SECISBP2L: variants seen among roughly 807,000 people sequenced by gnomAD.
The protein encoded by SECISBP2L is SECIS binding protein 2 like, also known as selenocysteine insertion sequence-binding protein 2-like.
SECISBP2L carries 43 observed loss-of-function variants against 114.7 expected under a neutral mutation model. The ratio of observed to expected loss-of-function variants is 0.38; its 90% CI spans 0.29 to 0.48. The LOEUF is 0.48. SECISBP2L is among the 20% of genes least tolerant of loss of function. The pLI, the probability that SECISBP2L is intolerant of heterozygous loss-of-function variation, is 0.98. For synonymous variants in SECISBP2L, 451 were observed against 439.7 expected (o/e 1.03, Z -0.32); for missense variants, 1,136 against 1,301.1 (o/e 0.87, Z 1.95).
In SECISBP2L at chr15:49,028,182, CAAAA is replaced by C; in HGVS notation, c.895-18_895-15del. ...TGATTCCACATGCTAAAAAAAGAAA[CAAAA>C]AGACAATTATACTCTACTTGAGAAC... On this transcript the variant is annotated splice_polypyrimidine_tract_variant and intron_variant, in intron 5 of 17. Coordinates refer to ENST00000559471, the MANE Select transcript of SECISBP2L (RefSeq NM_001193489.2). 6.4e-7 allele frequency: 1 copy of C among 1,569,416 alleles called. No individual in the cohort carries two copies. Among genetic ancestry groups the C allele is most frequent in the Non-Finnish European group, 8.6e-7 (1 of 1,157,516 alleles).
At chr15:49,036,590 T>A (rs892417777) in intron 2 of SECISBP2L, among the ~76,000 whole-genome samples, 1 of 152,238 alleles carries the variant, frequency 6.6e-6, no homozygotes, top group African/African-American at 2.4e-5. Context: ...TTTAGTTTCA[T>A]GAATCAGTTT....
In SECISBP2L at chr15:49,011,774, T is replaced by C. The variant is rs1266126762; in HGVS notation, c.1821A>G (p.Leu607=). Residue 607 remains leucine (L), a synonymous_variant, in exon 13 of 18, where the codon TTA becomes TTG. Transcript: ENST00000559471. ...LGSEEPTEMH[L]DFIDDLPQEI... ...CCTGTGGCAAGTCATCAATAAAATC[T>C]AAGTGCATTTCTGTTGGTTCCTCGG... The C allele has an allele frequency of 6.2e-7, 1 of 1,614,116 alleles. No homozygotes were observed. The highest frequency in any genetic ancestry group is 8.5e-7 in the Non-Finnish European group (1 of 1,179,970).
chr15:49,038,141 A>G lies in SECISBP2L; in HGVS notation c.25-372T>C, dbSNP rs1903050642. Reference sequence around the variant, plus strand: ...CATTTTGTTGGGGGAAAAATTGAACAAAATTATGAAGGATAATTATTACTC... The same window carrying G: ...CATTTTGTTGGGGGAAAAATTGAACGAAATTATGAAGGATAATTATTACTC... On this transcript the variant is annotated intron_variant, in intron 1 of 17. Transcript: ENST00000559471. Among the ~76,000 whole-genome samples the G allele has an allele frequency of 2.0e-5, 3 of 152,336 alleles. No homozygotes were observed. In the South Asian group the frequency reaches 6.2e-4, roughly 32 times the overall value.
intron 1 of SECISBP2L, among the ~76,000 whole-genome samples, chr15:49,040,104 A>G (rs529914773): frequency 2.0e-5 from 3 of 152,308 alleles, no homozygotes; most frequent in Admixed American, 2.0e-4. Flanking sequence ...TTTACACCCC[A>G]CTTCATTTGT....
chr15:49,045,841 A>ACC (rs1903235560), intron 1 of SECISBP2L, among the ~76,000 whole-genome samples: 1 of 152,214 alleles, frequency 6.6e-6, no homozygotes. Flanking sequence ...AAGGCCCGTG[A>ACC]CTTCCCTTCA....
intron 7 of SECISBP2L, among the ~76,000 whole-genome samples, chr15:49,024,705 G>A (rs945573158): frequency 6.6e-6 from 1 of 152,064 alleles, no homozygotes; most frequent in African/African-American, 2.4e-5. Flanking sequence ...TCTAAAAGAT[G>A]TTTAGAGCCT....
chr15:48,993,861 T>A (rs1221896393), intron 17 of SECISBP2L, among the ~76,000 whole-genome samples: 2 of 152,050 alleles, frequency 1.3e-5, no homozygotes, highest in African/African-American at 4.8e-5. Context: ...CAAATTTTTT[T>A]AAAAAATAAA....
intron 2 of SECISBP2L, 144 bp from the exon 3 acceptor site, chr15:49,035,802 C>CA (rs1444065319): frequency 1.4e-6 from 1 of 715,704 alleles, no homozygotes; most frequent in Non-Finnish European, 2.3e-6. Context: ...AAACTATCAT[C>CA]ATCTTATAAA....
intron 14 of SECISBP2L, among the ~76,000 whole-genome samples, chr15:49,007,226 T>C (rs542387598): frequency 3.9e-5 from 6 of 152,322 alleles, no homozygotes; most frequent in African/African-American, 1.4e-4. Context: ...ATGAGGAGTC[T>C]GTCAACCCCT....
chr15:49,036,938 A>G (rs189936516), intron 2 of SECISBP2L, among the ~76,000 whole-genome samples: 38 of 152,336 alleles, frequency 2.5e-4, no homozygotes, highest in African/African-American at 8.4e-4. Flanking sequence ...TCTGTGTGAC[A>G]TAACTTGAAA....
At position 48,989,441 on chromosome 15, in the gene SECISBP2L, G is replaced by A. The variant is rs2141054853; in HGVS notation, c.*2803C>T. 1 of 152,632 alleles carries A rather than the reference G, an allele frequency of 6.6e-6. No individual in the cohort carries two copies. 9.5% of individuals were successfully genotyped at this position (152,632 alleles called of 1,614,324 possible). On this transcript the variant is annotated 3_prime_UTR_variant, in exon 18 of 18. Transcript: ENST00000559471. ...TCTGCAAAAACAACCTCCAGTCAAA[G>A]CCAGTAAAAACTTCTCAATGTATAA...
intron 11 of SECISBP2L, 170 bp from the exon 12 acceptor site, chr15:49,012,987 C>T: frequency 1.6e-6 from 1 of 632,426 alleles, no homozygotes; most frequent in Non-Finnish European, 2.7e-6. Flanking sequence ...CAGCTTTTAC[C>T]TATCCTTTAG....
At chr15:49,022,473 C>A (rs1027242872) in intron 7 of SECISBP2L, among the ~76,000 whole-genome samples, 36 of 152,104 alleles carry the variant, frequency 2.4e-4, no homozygotes, top group African/African-American at 8.5e-4. Flanking sequence ...GTAGCAGGCA[C>A]CTGTAATCTC....
chr15:49,016,938 A>C lies in SECISBP2L; in HGVS notation c.1329T>G (p.Arg443=), dbSNP rs1902548336. The C allele has an allele frequency of 6.2e-7, 1 of 1,613,888 alleles. No homozygotes were observed. Among genetic ancestry groups the C allele is most frequent in the African/African-American group, 1.3e-5 (1 of 74,898 alleles). Reference sequence around the variant, plus strand: ...AAGCTTTCTTCTTCTGACTTTTTGCACGTTTGGGAACTGAGGTGGTAATAG... The same window carrying C: ...AAGCTTTCTTCTTCTGACTTTTTGCCCGTTTGGGAACTGAGGTGGTAATAG... ...PIPITTSVPK[R]AKSQKKKALA... is the part of the protein sequence containing the mutation. The change falls in exon 10 of 18, where the codon CGT becomes CGG. Residue 443 remains arginine (R), a synonymous_variant. Transcript: ENST00000559471.
chr15:49,014,087 C>T (rs1902491257), intron 11 of SECISBP2L, among the ~76,000 whole-genome samples: 1 of 152,092 alleles, frequency 6.6e-6, no homozygotes, highest in Admixed American at 6.6e-5. Context: ...GACCTCTGCC[C>T]AACCCATTCT....
intron 17 of SECISBP2L, among the ~76,000 whole-genome samples, chr15:48,994,972 T>C (rs1320314493): frequency 6.6e-5 from 10 of 152,282 alleles, no homozygotes; most frequent in East Asian, 5.8e-4. Flanking sequence ...AGTTTTTTTT[T>C]CTAAGGAGAA....
chr15:49,002,872 G>C (rs1012790937), intron 14 of SECISBP2L, among the ~76,000 whole-genome samples: 1 of 152,178 alleles, frequency 6.6e-6, no homozygotes, highest in Non-Finnish European at 1.5e-5. Flanking sequence ...AAAGTTTGAA[G>C]TCAGGTAGTG....
rs998691318 is a variant in SECISBP2L at position 48,989,532 on chromosome 15, C to A, written c.*2712G>T. The A allele has an allele frequency of 6.6e-6, 1 of 152,436 alleles. No individual in the cohort carries two copies. The highest frequency in any genetic ancestry group is 2.4e-5 in the African/African-American group (1 of 41,414). 9.4% of individuals were successfully genotyped at this position (152,436 alleles called of 1,614,324 possible). On this transcript the variant is annotated 3_prime_UTR_variant, in exon 18 of 18. Transcript: ENST00000559471. ...ACATCATTTACAAACATATTTAAAC[C>A]GAAAATTAAGCTAATATGAACATCT...
At chr15:49,025,943 T>C (rs1255657626) in intron 7 of SECISBP2L, among the ~76,000 whole-genome samples, 1 of 152,196 alleles carries the variant, frequency 6.6e-6, no homozygotes. Context: ...TATTGCAGCA[T>C]TATTCACAAT....
Sources: allele counts gnomAD v4.1 joint callset (sites outside exome capture counted in the v4.1 genomes callset), GRCh38; gene constraint gnomAD v4.1.1; transcripts MANE v1.5; gene names NCBI Gene and HGNC (gene_info 2026-07-23, HGNC 2026-07-21).